Variants in NUP133 observed in about 807,000 individuals in gnomAD.
NUP133 encodes nucleoporin 133.
In NUP133, 66 loss-of-function variants were observed where a neutral mutation model predicts 146.2. The observed-to-expected ratio is 0.45, with a 90% CI of 0.37 to 0.55. NUP133 has a LOEUF of 0.55. NUP133 is among the 20% of genes least tolerant of loss of function. The pLI is 0.00. For synonymous variants in NUP133, 521 were observed against 498.8 expected (o/e 1.04, Z -0.59); for missense variants, 1,277 against 1,374.8 (o/e 0.93, Z 1.12).
chr1:229,492,586 C>CT, intron 8 of NUP133, among the ~76,000 whole-genome samples: 1 of 152,102 alleles, frequency 6.6e-6, no homozygotes, highest in Middle Eastern at 3.4e-3. Flanking sequence ...GCTCCCCAAA[C>CT]TTTATCACTT....
intron 24 of NUP133, among the ~76,000 whole-genome samples, chr1:229,447,644 A>T (rs1309930361): frequency 1.3e-5 from 2 of 152,142 alleles, no homozygotes; most frequent in Non-Finnish European, 2.9e-5. Flanking sequence ...AACTTTAATC[A>T]ATCATGTCTA....
chr1:229,499,674 C>T lies in NUP133; in HGVS notation c.648+10G>A, dbSNP rs374398307. 1.3e-5 allele frequency: 21 copies of T among 1,597,806 alleles called. No homozygotes were observed. The highest frequency in any genetic ancestry group is 1.7e-4 in the Middle Eastern group (1 of 6,000). On this transcript the variant is annotated intron_variant, in intron 5 of 25. Coordinates refer to ENST00000261396, the MANE Select transcript of NUP133 (RefSeq NM_018230.3). ...TTTCCAATAAATATAAAGGAATATC[C>T]GTGGTATACCTGCACTGCTGTTAGG... is the stretch of plus-strand genomic sequence containing the variant.
At chr1:229,482,408 C>G (rs1352467336) in intron 12 of NUP133, among the ~76,000 whole-genome samples, 1 of 152,082 alleles carries the variant, frequency 6.6e-6, no homozygotes. Flanking sequence ...CTAACTCCCA[C>G]CCCACTCAAT....
At chr1:229,507,130 A>G (rs1397855173) in intron 1 of NUP133, among the ~76,000 whole-genome samples, 4 of 152,252 alleles carry the variant, frequency 2.6e-5, no homozygotes, top group African/African-American at 9.6e-5. Context: ...ACACACAGTA[A>G]ATAAAGTATG....
chr1:229,454,193 G>A (rs1210572489), intron 21 of NUP133, among the ~76,000 whole-genome samples: 4 of 152,102 alleles, frequency 2.6e-5, no homozygotes, highest in Non-Finnish European at 4.4e-5. Context: ...CATTGGATGA[G>A]GTAACAGGGG....
chr1:229,479,985 C>T (rs1045698491), intron 12 of NUP133, among the ~76,000 whole-genome samples: 3 of 152,006 alleles, frequency 2.0e-5, no homozygotes, highest in Non-Finnish European at 4.4e-5. Context: ...GGAGCCAGCA[C>T]GAGAAAGGTC....
chr1:229,465,688 G>A (rs1660794277), intron 16 of NUP133, among the ~76,000 whole-genome samples, 169 bp from the exon 17 acceptor site: 1 of 152,006 alleles, frequency 6.6e-6, no homozygotes, highest in African/African-American at 2.4e-5. Flanking sequence ...TAGGAGGATT[G>A]CTCCTAGCCT....
chr1:229,462,660 C>T (rs538843631), intron 19 of NUP133, among the ~76,000 whole-genome samples: 1 of 151,862 alleles, frequency 6.6e-6, no homozygotes, highest in East Asian at 1.9e-4. Context: ...TGGGCTCAAA[C>T]GATCCTGCCA....
intron 2 of NUP133, among the ~76,000 whole-genome samples, chr1:229,504,504 C>T (rs934852841): frequency 2.6e-5 from 4 of 152,286 alleles, no homozygotes; most frequent in South Asian, 4.1e-4. Context: ...GTCAAAATTC[C>T]ACACTAATTC....
Position 229,465,465 on chromosome 1 carries a change from T to G in NUP133, c.2254A>C (p.Arg752=). The G allele has an allele frequency of 6.2e-7, 1 of 1,614,022 alleles. No homozygotes were observed. Among genetic ancestry groups the G allele is most frequent in the Non-Finnish European group, 8.5e-7 (1 of 1,179,910 alleles). ...GGTTCTTTTTCTAGTGATTCTTCTC[T>G]TCTATACAAAGAGTTTCTATTTTGG... The part of the protein sequence containing the change: ...YRQNRNSLYR[R]EESLEKEPEY... The change falls in exon 17 of 26, where the codon AGA becomes CGA. Residue 752 remains arginine, a synonymous_variant. Transcript: ENST00000261396.
At chr1:229,506,363 C>T (rs1475195383) in intron 1 of NUP133, among the ~76,000 whole-genome samples, 1 of 149,530 alleles carries the variant, frequency 6.7e-6, no homozygotes, top group Non-Finnish European at 1.5e-5. Context: ...CCCATAGACT[C>T]TAGTATTGAA....
chr1:229,493,049 A>T lies in NUP133; in HGVS notation c.1046+2446T>A, dbSNP rs561820558. Among the ~76,000 whole-genome samples, 23 of 151,336 alleles carry T rather than the reference A, an allele frequency of 1.5e-4. 1 individual carries two copies. Among genetic ancestry groups the T allele is most frequent in the African/African-American group, 5.7e-4 (23 of 40,652 alleles). On this transcript the variant is annotated intron_variant, in intron 8 of 25. Coordinates refer to ENST00000261396, the MANE Select transcript of NUP133 (RefSeq NM_018230.3). ...CCTCAAGTGATCCTCCTGCTTTACC[A>T]GTTAAGTTTTTATGTGAGTATATCC...
At chr1:229,475,401 CTT>C (rs572046675) in intron 14 of NUP133, among the ~76,000 whole-genome samples, 196 of 152,306 alleles carry the variant, frequency 1.3e-3, no homozygotes, top group African/African-American at 4.6e-3. Context: ...CTCATGAAAA[CTT>C]AAGTTCTTAC....
chr1:229,452,420 G>A (rs1330646969), intron 22 of NUP133, 105 bp downstream of exon 22: 7 of 744,712 alleles, frequency 9.4e-6, no homozygotes, highest in Non-Finnish European at 8.1e-6. Flanking sequence ...TGGAAGGTAG[G>A]CAGTAGAACA....
At chr1:229,501,462 A>G (rs1661795999) in intron 3 of NUP133, among the ~76,000 whole-genome samples, 1 of 152,226 alleles carries the variant, frequency 6.6e-6, no homozygotes, top group South Asian at 2.1e-4. Flanking sequence ...CAAGGAAGTA[A>G]TGACTGGTAG....
Position 229,463,600 on chromosome 1 carries a change from A to C in NUP133, c.2628T>G (p.Cys876Trp). The C allele has an allele frequency of 2.5e-6, 4 of 1,614,138 alleles. No individual in the cohort carries two copies. Among genetic ancestry groups the C allele is most frequent in the Non-Finnish European group, 3.4e-6 (4 of 1,180,012 alleles). The change falls in exon 19 of 26, where the codon TGT becomes TGG. Residue 876 changes from cysteine to tryptophan, a missense_variant. By Grantham distance (215) the Cys-to-Trp change is radical. Transcript: ENST00000261396. ...YCDFDILVQM[C>W]EQTDNQSRLQ... is the part of the protein sequence containing the mutation. The stretch of plus-strand genomic sequence containing the variant: ...GTCGGCTCTGGTTGTCAGTCTGCTC[A>C]CACATTTGTACCAATATATCAAAGT...
intron 24 of NUP133, among the ~76,000 whole-genome samples, chr1:229,446,696 T>G (rs992840334): frequency 6.6e-6 from 1 of 151,876 alleles, no homozygotes; most frequent in African/African-American, 2.4e-5. Context: ...ATTGTGCCAC[T>G]GCACTCCAGC....
At chr1:229,479,422 G>C (rs1256352314) in intron 12 of NUP133, among the ~76,000 whole-genome samples, 1 of 152,080 alleles carries the variant, frequency 6.6e-6, no homozygotes, top group African/African-American at 2.4e-5. Flanking sequence ...TAATCTCTTA[G>C]GATGCCCAAT....
chr1:229,464,760 C>G lies in NUP133; in HGVS notation c.2415G>C (p.Leu805=), dbSNP rs182582935. The change falls in exon 18 of 26, where the codon CTG becomes CTC. Residue 805 remains leucine, a synonymous_variant. Coordinates refer to ENST00000261396, the MANE Select transcript of NUP133 (RefSeq NM_018230.3). ...SNLRNIVTEQ[L]VALIDCFLDG... ...CCAGGAAGCAATCGATCAGGGCTACCAGCTGCTCGGTCACGATGTTTCGGA... is the reference window on the plus strand; with the variant it reads ...CCAGGAAGCAATCGATCAGGGCTACGAGCTGCTCGGTCACGATGTTTCGGA... The G allele has an allele frequency of 7.4e-4, 1,200 of 1,614,192 alleles. 10 individuals carry two copies. Among genetic ancestry groups the G allele is most frequent in the East Asian group, 4.3e-3 (194 of 44,886 alleles).
Sources: allele counts gnomAD v4.1 joint callset (sites outside exome capture counted in the v4.1 genomes callset), GRCh38; gene constraint gnomAD v4.1.1; transcripts MANE v1.5; gene names NCBI Gene and HGNC (gene_info 2026-07-23, HGNC 2026-07-21).